BICC1: variants seen among roughly 807,000 people sequenced by gnomAD.
BICC1 encodes protein bicaudal C homolog 1.
In BICC1, 43 loss-of-function variants were observed where a neutral mutation model predicts 111.0. The observed-to-expected ratio is 0.39, with a 90% confidence interval of 0.30 to 0.50. The LOEUF (loss-of-function observed/expected upper bound fraction) is 0.50, where lower values mean the gene tolerates loss of function less well. Among genes scored for constraint, BICC1 ranks in the 20% least tolerant of loss-of-function variants. The pLI, the probability that BICC1 is intolerant of heterozygous loss-of-function variation, is 0.88. For missense variants in BICC1, 1,091 were observed against 1,203.2 expected (o/e 0.91, Z 1.38); for synonymous variants, 467 against 434.4 (o/e 1.07, Z -0.93).
chr10:58,586,424 A>C (rs1263706968), intron 1 of BICC1, among the ~76,000 whole-genome samples: 1 of 152,030 alleles, frequency 6.6e-6, no homozygotes, highest in Non-Finnish European at 1.5e-5. Context: ...CGTGTCAGGC[A>C]CTGCTGTTAA....
rs951685101 is a variant in BICC1, at chr10:58,567,502, G to A, written c.191-53353G>A. On this transcript the variant is annotated intron_variant, in intron 1 of 20. Coordinates refer to ENST00000373886, the MANE Select transcript of BICC1 (RefSeq NM_001080512.3). ...GAGATAAATACATGTATGTCTTTTG[G>A]GGTGTATGTATATGTATCTTTTAGG... is the stretch of plus-strand genomic sequence containing the variant. Among the ~76,000 whole-genome samples, 5 of 151,034 alleles carry A rather than the reference G, an allele frequency of 3.3e-5. 1 individual carries two copies. The East Asian group carries it at 9.7e-4, about 29-fold the overall frequency.
In BICC1 at chr10:58,535,308, A is replaced by G. The variant is rs1051437094; in HGVS notation, c.190+21975A>G. On this transcript the variant is annotated intron_variant, in intron 1 of 20. Coordinates refer to ENST00000373886, the MANE Select transcript of BICC1 (RefSeq NM_001080512.3). ...CATCAGATTATCTAAAGTCAATGTG[A>G]AGGAAATAATTCTAAGAACAGCGAG... 2.2e-4 allele frequency among the ~76,000 whole-genome samples: 33 copies of G among 151,910 alleles called. 1 individual carries two copies. The highest frequency in any genetic ancestry group is 1.2e-4 in the Non-Finnish European group (8 of 67,816).
chr10:58,560,470 T>G (rs1843574054), intron 1 of BICC1, among the ~76,000 whole-genome samples: 1 of 152,096 alleles, frequency 6.6e-6, no homozygotes, highest in Non-Finnish European at 1.5e-5. Flanking sequence ...TTAGTCTATC[T>G]AGTGGTTTAT....
chr10:58,717,376 C>T (rs1023057601), intron 3 of BICC1, among the ~76,000 whole-genome samples: 26 of 151,148 alleles, frequency 1.7e-4, no homozygotes, highest in African/African-American at 6.1e-4. Flanking sequence ...AAAAAAACAG[C>T]TTCATATTGA....
chr10:58,533,146 G>T (rs901722750), intron 1 of BICC1, among the ~76,000 whole-genome samples: 1 of 151,876 alleles, frequency 6.6e-6, no homozygotes, highest in Non-Finnish European at 1.5e-5. Flanking sequence ...GTCTGGGAAA[G>T]CTTCATCAGC....
chr10:58,583,076 A>G (rs1034972988), intron 1 of BICC1, among the ~76,000 whole-genome samples: 1 of 152,140 alleles, frequency 6.6e-6, no homozygotes, highest in East Asian at 1.9e-4. Flanking sequence ...GTCTTCCTCT[A>G]GTGTTCTGTG....
intron 1 of BICC1, among the ~76,000 whole-genome samples, chr10:58,563,904 A>AG (rs1843681492): frequency 2.2e-5 from 1 of 46,394 alleles, no homozygotes. Context: ...TTGAGTACTC[A>AG]AACACATATA....
At chr10:58,791,732 TC>T (rs1843185586) in intron 8 of BICC1, among the ~76,000 whole-genome samples, 1 of 151,888 alleles carries the variant, frequency 6.6e-6, no homozygotes, top group African/African-American at 2.4e-5. Context: ...AGAGCAAGAC[TC>T]CGTTTAAAAA....
chr10:58,550,924 T>C (rs1025831462), intron 1 of BICC1, among the ~76,000 whole-genome samples: 1 of 152,176 alleles, frequency 6.6e-6, no homozygotes, highest in Non-Finnish European at 1.5e-5. Context: ...TTTGGGTGTT[T>C]TTAAGATATT....
chr10:58,561,097 A>G (rs1843591113), intron 1 of BICC1, among the ~76,000 whole-genome samples: 1 of 151,934 alleles, frequency 6.6e-6, no homozygotes, highest in South Asian at 2.1e-4. Context: ...TGATTTTTCT[A>G]TCTAGATGAC....
Position 58,817,512 on chromosome 10 carries a change from G to A in BICC1, c.2534-50G>A, listed in dbSNP as rs370888294. 100 of 1,602,532 alleles carry A rather than the reference G, an allele frequency of 6.2e-5. No individual in the cohort carries two copies. The African/African-American group carries it at 1.1e-3, about 18-fold the overall frequency. Reference sequence around the variant, plus strand: ...TGATTAAAACTTTTAATTAAACCATGTTCTCTCTGGGCATTTACACTTCAA... The same window carrying A: ...TGATTAAAACTTTTAATTAAACCATATTCTCTCTGGGCATTTACACTTCAA... On this transcript the variant is annotated intron_variant, in intron 18 of 20. Transcript: ENST00000373886.
intron 19 of BICC1, among the ~76,000 whole-genome samples, chr10:58,818,817 G>A (rs1286127084): frequency 1.3e-5 from 2 of 152,042 alleles, no homozygotes; most frequent in South Asian, 2.1e-4. Context: ...GTTAGATGAT[G>A]GTAGCTGGAA....
intron 2 of BICC1, among the ~76,000 whole-genome samples, chr10:58,691,879 A>T (rs1839919850): frequency 6.6e-6 from 1 of 152,170 alleles, no homozygotes; most frequent in Non-Finnish European, 1.5e-5. Flanking sequence ...TTCATCTAAT[A>T]AATATTCACT....
intron 2 of BICC1, among the ~76,000 whole-genome samples, chr10:58,692,850 AT>A (rs57748644): frequency 0.27 from 38,680 of 141,470 alleles, 6,413 homozygotes; most frequent in African/African-American, 0.49. Context: ...TTTTTTTTTG[AT>A]TTTTTTTTTA....
intron 3 of BICC1, among the ~76,000 whole-genome samples, chr10:58,711,779 A>G (rs562761438): frequency 3.6e-4 from 55 of 150,972 alleles, no homozygotes; most frequent in African/African-American, 1.3e-3. Context: ...AGCCTAAATA[A>G]GCAAATATAT....
chr10:58,655,226 A>C (rs1244394411), intron 2 of BICC1, among the ~76,000 whole-genome samples: 1 of 147,258 alleles, frequency 6.8e-6, no homozygotes, highest in African/African-American at 2.5e-5. Context: ...GAAGAAAGTC[A>C]TTCGTAGCTT....
intron 1 of BICC1, among the ~76,000 whole-genome samples, chr10:58,558,982 A>G (rs1448526851): frequency 6.6e-6 from 1 of 152,122 alleles, no homozygotes; most frequent in Non-Finnish European, 1.5e-5. Context: ...GTATGTTTCA[A>G]AAATGAATTT....
At chr10:58,561,689 C>A (rs145034060) in intron 1 of BICC1, among the ~76,000 whole-genome samples, 157 of 152,016 alleles carry the variant, frequency 1.0e-3, no homozygotes, top group Non-Finnish European at 1.7e-3. Context: ...GGTTTGATTC[C>A]TTTCTCATCC....
Position 58,806,951 on chromosome 10 carries a change from AT to A in BICC1, c.2222-51del, listed in dbSNP as rs1230406018. 8 of 1,498,676 alleles carry A rather than the reference AT, an allele frequency of 5.3e-6. No individual in the cohort carries two copies. In the Admixed American group the frequency reaches 1.6e-4, roughly 30 times the overall value. The allele number at this position is 1,498,676 out of a possible 1,614,324, so 92.8% of individuals were successfully genotyped here. ...AAACGACACTTATCATCAGTATTTT[AT>A]TGAAGAAATGCATTAAACATACCAA... On this transcript the variant is annotated intron_variant, in intron 16 of 20. Transcript: ENST00000373886.
Sources: gnomAD v4.1 joint callset for allele counts (sites outside exome capture counted in the v4.1 genomes callset) on GRCh38, gnomAD v4.1.1 for gene constraint, MANE v1.5 for transcripts, NCBI Gene and HGNC (gene_info 2026-07-23, HGNC 2026-07-21) for gene names.